The following LPCAT1 variants were observed in gnomAD, a reference collection of about 807,000 sequenced individuals.
LPCAT1 encodes the protein lysophosphatidylcholine acyltransferase 1.
A neutral mutation model predicts 60.9 loss-of-function variants in LPCAT1; 23 were observed. That is an observed-to-expected ratio of 0.38 (90% CI 0.27 to 0.53). The LOEUF is 0.53. Among genes scored for constraint, LPCAT1 ranks in the 20% least tolerant of loss-of-function variants. LPCAT1 has a pLI of 0.82. For synonymous variants in LPCAT1, 340 were observed against 301.1 expected (o/e 1.13, Z -1.34); for missense variants, 622 against 723.6 (o/e 0.86, Z 1.61).
At position 1,462,342 on chromosome 5, in the gene LPCAT1, CAG is replaced by C. The variant is rs1734134128; in HGVS notation, c.*1307_*1308del. ...AAAAAATGATGAAACAAGGTGATGT[CAG>C]AGGGACTTCAGGTGACACCAAAATA... On this transcript the variant is annotated 3_prime_UTR_variant, in exon 14 of 14. Transcript: ENST00000283415. The C allele has an allele frequency of 6.6e-6, 1 of 152,456 alleles. No individual in the cohort carries two copies. The highest frequency in any genetic ancestry group is 2.4e-5 in the African/African-American group (1 of 41,426). 9.4% of individuals were successfully genotyped at this position (152,456 alleles called of 1,614,324 possible).
At chr5:1,467,253 G>A (rs1228999903) in intron 12 of LPCAT1, 2 of 245,552 alleles carry the variant, frequency 8.1e-6, no homozygotes, top group South Asian at 1.8e-4. Flanking sequence ...AGCTTGGGCT[G>A]CAGAGTTCCC....
At chr5:1,486,393 C>T (rs1442420533) in intron 5 of LPCAT1, among the ~76,000 whole-genome samples, 1 of 152,158 alleles carries the variant, frequency 6.6e-6, no homozygotes, top group Admixed American at 6.5e-5. Context: ...CTGCTGGAGG[C>T]TCCAGGAGCC....
intron 12 of LPCAT1, among the ~76,000 whole-genome samples, chr5:1,467,977 G>GTTTGC (rs1198208081): frequency 6.6e-6 from 1 of 152,174 alleles, no homozygotes; most frequent in African/African-American, 2.4e-5. Flanking sequence ...TCTTGTGAGC[G>GTTTGC]TTTGCTCCAC....
intron 12 of LPCAT1, among the ~76,000 whole-genome samples, chr5:1,467,696 C>A (rs1734482697): frequency 6.6e-6 from 1 of 152,012 alleles, no homozygotes; most frequent in Non-Finnish European, 1.5e-5. Flanking sequence ...GGTGCAGGGT[C>A]CTGCCCCAGC....
At chr5:1,489,493 G>C (rs1416365950) in intron 4 of LPCAT1, among the ~76,000 whole-genome samples, 1 of 152,206 alleles carries the variant, frequency 6.6e-6, no homozygotes. Flanking sequence ...ATCTGAGTCA[G>C]AACTTAGTTC....
chr5:1,486,982 T>TA (rs1216233751), intron 5 of LPCAT1, among the ~76,000 whole-genome samples: 2 of 152,200 alleles, frequency 1.3e-5, no homozygotes, highest in Non-Finnish European at 2.9e-5. Flanking sequence ...AGTTTCGTGA[T>TA]ATGCGTTGAG....
At chr5:1,463,958 G>T in intron 13 of LPCAT1, 123 bp from the exon 14 acceptor site, 1 of 978,276 alleles carries the variant, frequency 1.0e-6, no homozygotes, top group Non-Finnish European at 1.5e-6. Context: ...GGTTAGAATC[G>T]TCTGTGAAAC....
At chr5:1,470,528 G>GCCC (rs1271847571) in intron 12 of LPCAT1, among the ~76,000 whole-genome samples, 1 of 152,212 alleles carries the variant, frequency 6.6e-6, no homozygotes, top group Non-Finnish European at 1.5e-5. Flanking sequence ...TGTGTTAGGT[G>GCCC]CCCTGTAGTG....
intron 1 of LPCAT1, among the ~76,000 whole-genome samples, chr5:1,519,250 G>C (rs557302777): frequency 1.4e-4 from 22 of 152,290 alleles, no homozygotes; most frequent in East Asian, 5.8e-4. Flanking sequence ...TGTGTATGTG[G>C]GTATGCTTAT....
intron 5 of LPCAT1, among the ~76,000 whole-genome samples, chr5:1,484,942 C>T (rs998209575): frequency 1.3e-5 from 2 of 152,150 alleles, no homozygotes; most frequent in Admixed American, 6.5e-5. Flanking sequence ...TCAGGGGAGG[C>T]GGAGGACGGC....
rs529566449 is a variant in LPCAT1 at position 1,510,464 on chromosome 5, T to C, written c.136-8861A>G. ...GTGTGTTCAGTAATTCCCTTTGGATTTGCAAATCGGCCCCGCAGTCCCACA... is the reference window on the plus strand; with the variant it reads ...GTGTGTTCAGTAATTCCCTTTGGATCTGCAAATCGGCCCCGCAGTCCCACA... On this transcript the variant is annotated intron_variant, in intron 1 of 13. Coordinates refer to ENST00000283415, the MANE Select transcript of LPCAT1 (RefSeq NM_024830.5). Among the ~76,000 whole-genome samples the C allele has an allele frequency of 3.0e-4, 46 of 152,308 alleles. No homozygotes were observed. The South Asian group carries it at 9.3e-3, about 31-fold the overall frequency.
intron 3 of LPCAT1, among the ~76,000 whole-genome samples, chr5:1,491,704 A>G (rs1340016791): frequency 6.6e-6 from 1 of 152,308 alleles, no homozygotes. Context: ...CAAGAAGGTG[A>G]CAGCGTTCTG....
chr5:1,505,224 C>T (rs866934561), intron 1 of LPCAT1, among the ~76,000 whole-genome samples: 19 of 143,106 alleles, frequency 1.3e-4, no homozygotes, highest in African/African-American at 4.5e-4. Context: ...GCACCGACTA[C>T]AACTGCTTCC....
In LPCAT1 at chr5:1,466,979, C is replaced by T. The variant is rs548897377; in HGVS notation, c.1279-89G>A. The T allele has an allele frequency of 6.3e-4, 829 of 1,320,028 alleles. 9 individuals carry two copies. In the East Asian group the frequency reaches 0.021, roughly 33 times the overall value. The allele number at this position is 1,320,028 out of a possible 1,614,324, so 81.8% of individuals were successfully genotyped here. ...GGGACACCCCAGCGGCCCTGCCCCG[C>T]TTTGTCAGAGCTGCTGGGCACCTGC... On this transcript the variant is annotated intron_variant, in intron 12 of 13. Coordinates refer to ENST00000283415, the MANE Select transcript of LPCAT1 (RefSeq NM_024830.5).
intron 3 of LPCAT1, among the ~76,000 whole-genome samples, chr5:1,493,171 G>A (rs1213783739): frequency 6.6e-6 from 1 of 152,320 alleles, no homozygotes; most frequent in East Asian, 1.9e-4. Flanking sequence ...CCAGCCAGCC[G>A]AGTGCAGTGA....
chr5:1,465,931 CAT>C (rs1734378511), intron 13 of LPCAT1, among the ~76,000 whole-genome samples: 1 of 152,212 alleles, frequency 6.6e-6, no homozygotes, highest in Non-Finnish European at 1.5e-5. Flanking sequence ...ACTAAGCACA[CAT>C]ACATGCTTTC....
chr5:1,519,607 C>T (rs1736609800), intron 1 of LPCAT1, among the ~76,000 whole-genome samples: 1 of 152,220 alleles, frequency 6.6e-6, no homozygotes, highest in Admixed American at 6.5e-5. Flanking sequence ...CTAAGCCAGC[C>T]CACGCTGCCC....
chr5:1,499,602 G>A (rs1735931393), intron 2 of LPCAT1, among the ~76,000 whole-genome samples: 1 of 152,214 alleles, frequency 6.6e-6, no homozygotes, highest in African/African-American at 2.4e-5. Context: ...GCTAAATGAA[G>A]AACTAAAGCC....
rs1273834350 is a variant in LPCAT1 at position 1,476,508 on chromosome 5, TC to T, written c.899+895del. Among the ~76,000 whole-genome samples, 1 of 152,000 alleles carries T rather than the reference TC, an allele frequency of 6.6e-6. No individual in the cohort carries two copies. Among genetic ancestry groups the T allele is most frequent in the Non-Finnish European group, 1.5e-5 (1 of 68,004 alleles). ...CTGATGGGCCCGGCCGTGGCTGTGT[TC>T]CCCTCTGGGCTCTCTGGAGAGGCGA... is the stretch of plus-strand genomic sequence containing the variant. On this transcript the variant is annotated intron_variant, in intron 9 of 13. Transcript: ENST00000283415. The surrounding 1 kb of genome is among the most constrained non-coding windows in gnomAD (Gnocchi z 8.6).
Sources: allele counts gnomAD v4.1 joint callset (sites outside exome capture counted in the v4.1 genomes callset), GRCh38; gene constraint gnomAD v4.1.1; non-coding constraint Gnocchi (gnomAD v3.1); transcripts MANE v1.5; gene names NCBI Gene and HGNC (gene_info 2026-07-23, HGNC 2026-07-21).